Variants in SPIN1 observed in about 807,000 individuals in gnomAD.
The protein encoded by SPIN1 is spindlin-1.
In SPIN1, 3 loss-of-function variants were observed where a neutral mutation model predicts 26.0. That is an observed-to-expected ratio of 0.12 (90% confidence interval 0.05 to 0.30). The LOEUF is 0.30. Among genes scored for constraint, SPIN1 ranks in the 10% least tolerant of loss-of-function variants. The pLI is 1.00. For missense variants in SPIN1, 126 were observed against 333.4 expected (o/e 0.38, Z 4.84); for synonymous variants, 101 against 116.5 (o/e 0.87, Z 0.86).
At chr9:88,430,229 AG>A (rs1827842342) in intron 2 of SPIN1, among the ~76,000 whole-genome samples, 1 of 152,176 alleles carries the variant, frequency 6.6e-6, no homozygotes, top group African/African-American at 2.4e-5. Flanking sequence ...GTCATCTCAA[AG>A]GCTTCTTCAC....
chr9:88,447,849 A>C (rs1303187210), intron 2 of SPIN1, among the ~76,000 whole-genome samples: 2 of 152,150 alleles, frequency 1.3e-5, no homozygotes, highest in Admixed American at 6.5e-5. Flanking sequence ...GCTTCCAGGA[A>C]TGAGGTCAGG....
At chr9:88,444,997 T>C (rs1299424273) in intron 2 of SPIN1, among the ~76,000 whole-genome samples, 5 of 152,182 alleles carry the variant, frequency 3.3e-5, no homozygotes, top group Admixed American at 3.3e-4. Context: ...CCAGCCCCTT[T>C]TCTTGAGTGA....
intron 5 of SPIN1, among the ~76,000 whole-genome samples, chr9:88,470,865 A>G (rs1328747537): frequency 6.6e-6 from 1 of 152,186 alleles, no homozygotes; most frequent in Non-Finnish European, 1.5e-5. Flanking sequence ...AAGGGCCGGG[A>G]TTACAGACAT....
intron 1 of SPIN1, among the ~76,000 whole-genome samples, chr9:88,405,556 T>TC (rs1554691943): frequency 2.8e-5 from 4 of 144,580 alleles, no homozygotes; most frequent in East Asian, 2.0e-4. Flanking sequence ...TTTTTTTTTT[T>TC]CCCTGAGACA....
intron 1 of SPIN1, among the ~76,000 whole-genome samples, chr9:88,420,790 T>G (rs1827654321): frequency 6.6e-6 from 1 of 152,212 alleles, no homozygotes; most frequent in African/African-American, 2.4e-5. Flanking sequence ...TAATTCATTA[T>G]CAGAGGACTA....
intron 1 of SPIN1, among the ~76,000 whole-genome samples, chr9:88,400,844 CAAAA>C (rs754813928): frequency 1.0e-4 from 10 of 99,728 alleles, no homozygotes; most frequent in African/African-American, 1.5e-4. Context: ...GACTCCGCCT[CAAAA>C]AAAAAAAAAA....
At chr9:88,430,883 C>CTTTTTTTTTTTTTTTTTTTT (rs906131135) in intron 2 of SPIN1, among the ~76,000 whole-genome samples, 2 of 132,060 alleles carry the variant, frequency 1.5e-5, no homozygotes, top group African/African-American at 2.9e-5. Context: ...TATATTTTTT[C>CTTTTTTTTTTTTTTTTTTTT]TTTTTTTTTT....
chr9:88,440,619 C>G (rs1828102055), intron 2 of SPIN1, among the ~76,000 whole-genome samples: 1 of 151,732 alleles, frequency 6.6e-6, no homozygotes, highest in Non-Finnish European at 1.5e-5. Flanking sequence ...CGCTCTGTTG[C>G]CCAGGCTGGA....
intron 1 of SPIN1, among the ~76,000 whole-genome samples, chr9:88,393,115 A>C (rs1378566810): frequency 6.8e-6 from 1 of 147,846 alleles, no homozygotes; most frequent in Non-Finnish European, 1.5e-5. Context: ...AGAATATTTA[A>C]TGTTATGTTA....
chr9:88,467,727 GAC>G (rs979279249), intron 4 of SPIN1, among the ~76,000 whole-genome samples: 1 of 151,996 alleles, frequency 6.6e-6, no homozygotes, highest in African/African-American at 2.4e-5. Context: ...TGGTATCAGT[GAC>G]ACAACGATTA....
intron 1 of SPIN1, chr9:88,410,957 G>A (rs1277641493): frequency 9.7e-6 from 12 of 1,233,852 alleles, no homozygotes; most frequent in Non-Finnish European, 1.4e-5. Context: ...GCCATTCACA[G>A]TATGATATTT....
chr9:88,449,111 T>C (rs1828309113), intron 3 of SPIN1, 122 bp downstream of exon 3: 3 of 835,676 alleles, frequency 3.6e-6, no homozygotes, highest in Non-Finnish European at 2.0e-6. Flanking sequence ...ATAGGAGATG[T>C]AGTGTGCGAT....
At chr9:88,402,672 G>A (rs1355385536) in intron 1 of SPIN1, among the ~76,000 whole-genome samples, 2 of 152,092 alleles carry the variant, frequency 1.3e-5, no homozygotes, top group African/African-American at 4.8e-5. Flanking sequence ...GCATTCCATT[G>A]TGTATACATG....
chr9:88,414,667 T>A (rs1827523782), intron 1 of SPIN1, among the ~76,000 whole-genome samples: 1 of 152,126 alleles, frequency 6.6e-6, no homozygotes, highest in Non-Finnish European at 1.5e-5. Flanking sequence ...ACAAATGCAA[T>A]GGGATGGAAA....
chr9:88,401,246 T>C (rs1289206475), intron 1 of SPIN1, among the ~76,000 whole-genome samples: 1 of 152,204 alleles, frequency 6.6e-6, no homozygotes, highest in Non-Finnish European at 1.5e-5. Context: ...TATCAGTGTT[T>C]GTGATCGAGA....
chr9:88,441,398 C>CGTGTGT (rs60571153), intron 2 of SPIN1, among the ~76,000 whole-genome samples: 1 of 137,730 alleles, frequency 7.3e-6, no homozygotes, highest in Non-Finnish European at 1.5e-5. Context: ...TGCTGCCATT[C>CGTGTGT]GTGTGTGTGT....
intron 2 of SPIN1, among the ~76,000 whole-genome samples, chr9:88,431,969 G>T (rs1008159792): frequency 7.2e-5 from 11 of 152,124 alleles, no homozygotes; most frequent in Non-Finnish European, 1.5e-4. Flanking sequence ...TTGAGCTCAG[G>T]TGTTGCTGCT....
intron 4 of SPIN1, among the ~76,000 whole-genome samples, chr9:88,466,649 A>G (rs1442914057): frequency 6.6e-6 from 1 of 152,240 alleles, no homozygotes; most frequent in Non-Finnish European, 1.5e-5. Context: ...ACATGTATCA[A>G]GAAAATCTCA....
intron 3 of SPIN1, among the ~76,000 whole-genome samples, chr9:88,460,190 G>T (rs1191344472): frequency 5.9e-5 from 9 of 152,064 alleles, no homozygotes. Flanking sequence ...AGGTTCTTCT[G>T]TTACACAGAA....
Sources: allele counts gnomAD v4.1 joint callset (sites outside exome capture counted in the v4.1 genomes callset), GRCh38; gene constraint gnomAD v4.1.1; transcripts MANE v1.5; gene names NCBI Gene and HGNC (gene_info 2026-07-23, HGNC 2026-07-21).